SLC44A2: variants seen among roughly 807,000 people sequenced by gnomAD.
SLC44A2 encodes choline transporter-like protein 2.
In SLC44A2, 57 loss-of-function variants were observed where a neutral mutation model predicts 90.8. That is an observed-to-expected ratio of 0.63 (90% CI 0.51 to 0.78). SLC44A2 has a LOEUF of 0.78. SLC44A2 is among the 30% of genes least tolerant of loss of function. The pLI, the probability that SLC44A2 is intolerant of heterozygous loss-of-function variation, is 0.00. For missense variants in SLC44A2, 794 were observed against 919.7 expected (o/e 0.86, Z 1.77); for synonymous variants, 355 against 360.7 (o/e 0.98, Z 0.18).
At chr19:10,617,526 T>A (rs2066865317) in intron 1 of SLC44A2, among the ~76,000 whole-genome samples, 1 of 152,124 alleles carries the variant, frequency 6.6e-6, no homozygotes, top group African/African-American at 2.4e-5. Flanking sequence ...ATGTCCCAGC[T>A]TTACCATTCA....
chr19:10,624,338 C>T (rs1329627855), upstream of SLC44A2, among the ~76,000 whole-genome samples: 2 of 152,062 alleles, frequency 1.3e-5, no homozygotes, highest in African/African-American at 4.8e-5. Context: ...GAGTCTCACT[C>T]TGTCCCCCAG....
intron 1 of SLC44A2, among the ~76,000 whole-genome samples, chr19:10,607,765 A>G (rs1271720520): frequency 7.4e-6 from 1 of 135,320 alleles, no homozygotes; most frequent in Non-Finnish European, 1.6e-5. Flanking sequence ...TTTTTTTTTG[A>G]GACGGAGTCT....
chr19:10,641,093 G>GT (rs1555763848), intron 20 of SLC44A2: 1 of 356,348 alleles, frequency 2.8e-6, no homozygotes, highest in South Asian at 2.2e-5. Flanking sequence ...TCTCAGGAGG[G>GT]AAAAAAAAAA....
chr19:10,641,544 C>A, intron 20 of SLC44A2: 1 of 365,568 alleles, frequency 2.7e-6, no homozygotes, highest in Non-Finnish European at 5.4e-6. Context: ...CATGCAGAGG[C>A]CCAGGGGTTA....
intron 14 of SLC44A2, 65 bp downstream of exon 14, chr19:10,635,580 C>T (rs2067045507): frequency 2.8e-6 from 4 of 1,406,850 alleles, no homozygotes; most frequent in East Asian, 2.3e-5. Flanking sequence ...TTTGAAACCT[C>T]TCATGTCCAC....
rs1253000543 is a variant in SLC44A2 at position 10,636,410 on chromosome 19, G to T, written c.1321G>T (p.Ala441Ser). 7.4e-6 allele frequency: 12 copies of T among 1,613,930 alleles called. No homozygotes were observed. The highest frequency in any genetic ancestry group is 8.5e-6 in the Non-Finnish European group (10 of 1,180,020). ...FYGGESGYHRALLGLQIFNAF... is the reference protein window; with the variant it reads ...FYGGESGYHRSLLGLQIFNAF... ...CGGTGGTGAGTCGGGCTACCACCGGGCCCTGCTGGGCCTGCAGATCTTCAA... is the reference window on the plus strand; with the variant it reads ...CGGTGGTGAGTCGGGCTACCACCGGTCCCTGCTGGGCCTGCAGATCTTCAA... Residue 441 changes from alanine (A) to serine (S), a missense_variant, in exon 15 of 22, where the codon GCC (alanine) becomes TCC (serine). Ala to Ser is a moderately conservative substitution (Grantham distance 99, BLOSUM62 1). Around this residue, in one of 3 missense-constraint regions of SLC44A2, gnomAD observed 738 missense variants for 841.1 expected, o/e 0.88. Coordinates refer to ENST00000335757, the MANE Select transcript of SLC44A2 (RefSeq NM_020428.4).
chr19:10,625,283 A>C, upstream of SLC44A2: 1 of 293,314 alleles, frequency 3.4e-6, no homozygotes, highest in Non-Finnish European at 6.0e-6. Context: ...TGCAAAACGA[A>C]GCCACGGAAA....
chr19:10,637,988 C>T (rs777824085), intron 18 of SLC44A2, 35 bp from the exon 19 acceptor site: 1 of 1,614,066 alleles, frequency 6.2e-7, no homozygotes. Flanking sequence ...TCCCTGAAGC[C>T]AGCATTCACA....
rs188276946 is a variant in SLC44A2 at position 10,635,400 on chromosome 19, C to T, written c.1149-31C>T. 206 of 1,613,508 alleles carry T rather than the reference C, an allele frequency of 1.3e-4. 1 individual carries two copies. The East Asian group carries it at 4.5e-3, about 35-fold the overall frequency. On this transcript the variant is annotated intron_variant, in intron 13 of 21. Coordinates refer to ENST00000335757, the MANE Select transcript of SLC44A2 (RefSeq NM_020428.4). ...ACAAAAGTCCCTGGGGTCCTCAGTC[C>T]TAGACCTCTGCTTCCTTAACGAACC...
intron 1 of SLC44A2, among the ~76,000 whole-genome samples, chr19:10,619,272 A>G (rs1337799294): frequency 2.0e-5 from 3 of 151,614 alleles, no homozygotes; most frequent in African/African-American, 7.3e-5. Flanking sequence ...CTACAAAAAA[A>G]TATAAAAAAT....
chr19:10,638,375 G>C, intron 20 of SLC44A2, 60 bp downstream of exon 20: 1 of 1,494,424 alleles, frequency 6.7e-7, no homozygotes, highest in Non-Finnish European at 9.3e-7. Context: ...GATTTGCTTG[G>C]TCTTCTTTGA....
chr19:10,606,309 C>A (rs1918102192), intron 1 of SLC44A2, among the ~76,000 whole-genome samples: 1 of 151,708 alleles, frequency 6.6e-6, no homozygotes, highest in African/African-American at 2.4e-5. Flanking sequence ...AAATAAAAAG[C>A]AGATTCCCTG....
Position 10,638,324 on chromosome 19 carries a change from C to T in SLC44A2, c.1929+9C>T. 6.2e-7 allele frequency: 1 copy of T among 1,612,390 alleles called. No individual in the cohort carries two copies. ...ACTGGGTTCCTATACTGGTATGGACCTCTGGGGAGAGATGGGGGTTTGGGA... is the reference window on the plus strand; with the variant it reads ...ACTGGGTTCCTATACTGGTATGGACTTCTGGGGAGAGATGGGGGTTTGGGA... On this transcript the variant is annotated intron_variant, in intron 20 of 21. Coordinates refer to ENST00000335757, the MANE Select transcript of SLC44A2 (RefSeq NM_020428.4).
At chr19:10,631,774 A>G (rs780559808) in intron 8 of SLC44A2, 25 bp downstream of exon 8, 1 of 1,614,084 alleles carries the variant, frequency 6.2e-7, no homozygotes, top group South Asian at 1.1e-5. Context: ...GCACCGCGCC[A>G]GGGTCTCACT....
intron 10 of SLC44A2, among the ~76,000 whole-genome samples, chr19:10,633,112 G>A (rs570846218): frequency 6.7e-4 from 102 of 152,170 alleles, no homozygotes; most frequent in Non-Finnish European, 1.1e-3. Flanking sequence ...GCACAATATC[G>A]TGCTCAACAA....
intron 10 of SLC44A2, 32 bp downstream of exon 10, chr19:10,632,188 C>T (rs779242590): frequency 9.6e-6 from 15 of 1,565,108 alleles, no homozygotes; most frequent in Non-Finnish European, 1.3e-5. Context: ...GCTTCTCTTT[C>T]CTGAATCCGC....
At chr19:10,630,181 C>G (rs1354775866) in intron 4 of SLC44A2, among the ~76,000 whole-genome samples, 4 of 151,692 alleles carry the variant, frequency 2.6e-5, no homozygotes, top group Non-Finnish European at 5.9e-5. Context: ...GAAATTCTGT[C>G]GCTACCAATA....
At chr19:10,640,806 C>G (rs2144891965) in intron 20 of SLC44A2, among the ~76,000 whole-genome samples, 1 of 152,238 alleles carries the variant, frequency 6.6e-6, no homozygotes, top group South Asian at 2.1e-4. Flanking sequence ...GCTCTAGAGG[C>G]CGGGCATGGT....
intron 1 of SLC44A2, among the ~76,000 whole-genome samples, chr19:10,611,080 C>T (rs1433518995): frequency 2.0e-5 from 3 of 152,166 alleles, no homozygotes; most frequent in East Asian, 1.9e-4. Flanking sequence ...CCGGCTGAAG[C>T]GATCCTTCCC....
Sources: gnomAD v4.1 joint callset for allele counts (sites outside exome capture counted in the v4.1 genomes callset) on GRCh38, gnomAD v4.1.1 for gene constraint, gnomAD v4.1.1 regional missense constraint, MANE v1.5 for transcripts, NCBI Gene and HGNC (gene_info 2026-07-23, HGNC 2026-07-21) for gene names.